The following KCNIP4 variants were observed in gnomAD, a reference collection of about 807,000 sequenced individuals.
KCNIP4 encodes Kv channel-interacting protein 4.
In KCNIP4, 12 loss-of-function variants were observed where a neutral mutation model predicts 34.0. The ratio of observed to expected loss-of-function variants is 0.35; its 90% CI spans 0.23 to 0.57. The LOEUF (loss-of-function observed/expected upper bound fraction) is 0.57. Among genes scored for constraint, KCNIP4 ranks in the 20% least tolerant of loss-of-function variants. KCNIP4 has a pLI of 0.83. For missense variants in KCNIP4, 238 were observed against 311.7 expected (o/e 0.76, Z 1.78); for synonymous variants, 124 against 102.2 (o/e 1.21, Z -1.29).
At chr4:21,535,603 T>A (rs549278793) in intron 1 of KCNIP4, among the ~76,000 whole-genome samples, 1 of 152,288 alleles carries the variant, frequency 6.6e-6, no homozygotes, top group African/African-American at 2.4e-5. Context: ...CATTTCAGAC[T>A]CAACTATTTT....
At chr4:21,149,032 T>C (rs1261063821) in intron 1 of KCNIP4, among the ~76,000 whole-genome samples, 4 of 152,174 alleles carry the variant, frequency 2.6e-5, no homozygotes, top group Admixed American at 2.6e-4. Flanking sequence ...TTAGGAGGAA[T>C]TACATAAGTG....
At chr4:21,031,817 A>T (rs1173125436) in intron 1 of KCNIP4, among the ~76,000 whole-genome samples, 2 of 152,198 alleles carry the variant, frequency 1.3e-5, no homozygotes, top group African/African-American at 2.4e-5. Flanking sequence ...TTTTTGTTTT[A>T]TGCTGAATTC....
At chr4:21,247,863 T>TACAC (rs1433737493) in intron 1 of KCNIP4, among the ~76,000 whole-genome samples, 4 of 121,950 alleles carry the variant, frequency 3.3e-5, no homozygotes, top group African/African-American at 1.6e-4. Context: ...TATATATATA[T>TACAC]ATACACACAC....
chr4:21,922,815 G>A (rs1181420090), intron 1 of KCNIP4, among the ~76,000 whole-genome samples: 4 of 152,160 alleles, frequency 2.6e-5, no homozygotes, highest in African/African-American at 9.7e-5. Context: ...AGCTCTATAA[G>A]CTACAAGGAG....
chr4:21,313,261 G>T (rs948152670), intron 1 of KCNIP4, among the ~76,000 whole-genome samples: 1 of 152,208 alleles, frequency 6.6e-6, no homozygotes, highest in South Asian at 2.1e-4. Context: ...TACATATTTA[G>T]CCAGATTTCC....
chr4:20,824,595 G>T (rs988267963), intron 3 of KCNIP4, among the ~76,000 whole-genome samples: 4 of 152,070 alleles, frequency 2.6e-5, no homozygotes. Context: ...CAGGAAAATC[G>T]CTTGAACCCT....
At chr4:20,822,885 A>G (rs1464386267) in intron 3 of KCNIP4, among the ~76,000 whole-genome samples, 2 of 152,152 alleles carry the variant, frequency 1.3e-5, no homozygotes, top group Non-Finnish European at 2.9e-5. Context: ...CTACTCTCAT[A>G]AAAGAGGTTG....
At chr4:21,673,793 T>TA (rs1749676766) in intron 1 of KCNIP4, among the ~76,000 whole-genome samples, 1 of 152,176 alleles carries the variant, frequency 6.6e-6, no homozygotes, top group Non-Finnish European at 1.5e-5. Flanking sequence ...GCAATTTTTT[T>TA]AAAAAACAGC....
chr4:20,782,927 T>G (rs1756995011), intron 3 of KCNIP4, among the ~76,000 whole-genome samples: 1 of 152,202 alleles, frequency 6.6e-6, no homozygotes, highest in South Asian at 2.1e-4. Context: ...GGAATGCTTT[T>G]AACAGCACCC....
At chr4:21,527,401 T>G (rs1393353539) in intron 1 of KCNIP4, among the ~76,000 whole-genome samples, 2 of 152,164 alleles carry the variant, frequency 1.3e-5, no homozygotes, top group African/African-American at 4.8e-5. Flanking sequence ...CCTATATTAC[T>G]TTTACACTCA....
chr4:21,295,042 A>G (rs1333242990), intron 1 of KCNIP4, among the ~76,000 whole-genome samples: 1 of 152,180 alleles, frequency 6.6e-6, no homozygotes, highest in Non-Finnish European at 1.5e-5. Flanking sequence ...TCTCTAGTAA[A>G]GTCCTATTAA....
At chr4:21,481,388 G>C (rs778843977) in intron 1 of KCNIP4, among the ~76,000 whole-genome samples, 1 of 152,058 alleles carries the variant, frequency 6.6e-6, no homozygotes, top group African/African-American at 2.4e-5. Flanking sequence ...GAAGGAAAGG[G>C]GACGCCTGGA....
intron 3 of KCNIP4, among the ~76,000 whole-genome samples, chr4:20,831,273 A>T (rs1051709752): frequency 6.6e-6 from 1 of 152,164 alleles, no homozygotes; most frequent in Admixed American, 6.5e-5. Flanking sequence ...CCATTTATGC[A>T]TAAGGAAATT....
intron 1 of KCNIP4, among the ~76,000 whole-genome samples, chr4:21,734,655 T>C (rs1715857337): frequency 1.3e-5 from 2 of 152,148 alleles, no homozygotes; most frequent in Admixed American, 1.3e-4. Context: ...ACTCAATTGG[T>C]AGACAAAAAT....
At position 21,048,488 on chromosome 4, in the gene KCNIP4, T is replaced by G. The variant is rs537013276; in HGVS notation, c.62-165779A>C. 4.6e-5 allele frequency among the ~76,000 whole-genome samples: 7 copies of G among 152,298 alleles called. No individual in the cohort carries two copies. The East Asian group carries it at 1.2e-3, about 25-fold the overall frequency. On this transcript the variant is annotated intron_variant, in intron 1 of 8. Transcript: ENST00000382152. ...TTGTTACGCACTATCTCTGTCACATTACCTCACAGAACAGTATATATTTAT... is the reference window on the plus strand; with the variant it reads ...TTGTTACGCACTATCTCTGTCACATGACCTCACAGAACAGTATATATTTAT...
At chr4:21,768,659 T>C (rs943682597) in intron 1 of KCNIP4, among the ~76,000 whole-genome samples, 2 of 152,152 alleles carry the variant, frequency 1.3e-5, no homozygotes, top group Admixed American at 6.6e-5. Context: ...CAGATTTTTA[T>C]AAGTTTTAAG....
intron 1 of KCNIP4, among the ~76,000 whole-genome samples, chr4:21,281,893 G>A (rs1004399290): frequency 9.2e-5 from 14 of 152,102 alleles, no homozygotes; most frequent in Non-Finnish European, 1.5e-4. Flanking sequence ...AATTTTCTTG[G>A]TGAAGAAAGA....
rs59614946 is a variant in KCNIP4, at chr4:21,153,515, G to GTATATATATATA, written c.62-270818_62-270807dup. On this transcript the variant is annotated intron_variant, in intron 1 of 8. Coordinates refer to ENST00000382152, the MANE Select transcript of KCNIP4 (RefSeq NM_025221.6). ...TATATTTATATATATATGTGTGTGTGTATATATATATATATATATATATAT... is the reference window on the plus strand; with the variant it reads ...TATATTTATATATATATGTGTGTGTGTATATATATATATATATATATATATATATATATATAT... Among the ~76,000 whole-genome samples the GTATATATATATA allele has an allele frequency of 1.1e-4, 16 of 140,898 alleles. 1 individual carries two copies. In the East Asian group the frequency reaches 2.1e-3, roughly 19 times the overall value. The allele number at this position is 140,898 out of a possible 152,430, so 92.4% of individuals were successfully genotyped here.
At chr4:21,129,677 A>G (rs1268776835) in intron 1 of KCNIP4, among the ~76,000 whole-genome samples, 1 of 152,192 alleles carries the variant, frequency 6.6e-6, no homozygotes, top group Non-Finnish European at 1.5e-5. Context: ...GACTTTGGGA[A>G]TGGGAGTGAA....
Sources: allele counts gnomAD v4.1 joint callset (sites outside exome capture counted in the v4.1 genomes callset), GRCh38; gene constraint gnomAD v4.1.1; transcripts MANE v1.5; gene names NCBI Gene and HGNC (gene_info 2026-07-23, HGNC 2026-07-21).